KAZN: variants seen among roughly 807,000 people sequenced by gnomAD.
The protein encoded by KAZN is kazrin, periplakin interacting protein.
Under a neutral mutation model 87.4 loss-of-function variants are expected in KAZN, and 40 were observed. The observed-to-expected ratio is 0.46, with a 90% CI of 0.36 to 0.60. KAZN has a LOEUF of 0.60. Ranked by LOEUF, KAZN falls within the 20% of genes least tolerant of loss-of-function variation. KAZN has a pLI of 0.00. For synonymous variants in KAZN, 466 were observed against 458.3 expected (o/e 1.02, Z -0.22); for missense variants, 898 against 1,073.9 (o/e 0.84, Z 2.29).
At chr1:14,845,614 C>T (rs1396086059) in intron 1 of KAZN, among the ~76,000 whole-genome samples, 1 of 151,362 alleles carries the variant, frequency 6.6e-6, no homozygotes, top group East Asian at 1.9e-4. Flanking sequence ...ACAATTCCTT[C>T]CTTCAGTTTT....
At chr1:14,622,943 T>A (rs1678832603) in intron 1 of KAZN, among the ~76,000 whole-genome samples, 1 of 152,018 alleles carries the variant, frequency 6.6e-6, no homozygotes, top group Non-Finnish European at 1.5e-5. Context: ...TTTTTTGAAT[T>A]TAAAAGTCAA....
At chr1:14,541,483 A>G (rs1467444125) in intron 2 of KAZN, among the ~76,000 whole-genome samples, 1 of 152,198 alleles carries the variant, frequency 6.6e-6, no homozygotes, top group Non-Finnish European at 1.5e-5. Context: ...CCAGAGAGGC[A>G]GTGTGGAAAG....
At chr1:13,929,994 C>G (rs1359762030) in intron 1 of KAZN, among the ~76,000 whole-genome samples, 1 of 152,172 alleles carries the variant, frequency 6.6e-6, no homozygotes, top group Admixed American at 6.5e-5. Context: ...TGAACTCAGG[C>G]AATCAGTCTT....
intron 2 of KAZN, among the ~76,000 whole-genome samples, chr1:14,197,600 A>C (rs1646554903): frequency 6.6e-6 from 1 of 152,150 alleles, no homozygotes; most frequent in Non-Finnish European, 1.5e-5. Flanking sequence ...AGACAGGAGA[A>C]TCGTTTAAAC....
At chr1:14,192,618 G>T (rs1167595490) in intron 2 of KAZN, among the ~76,000 whole-genome samples, 2 of 152,148 alleles carry the variant, frequency 1.3e-5, no homozygotes, top group African/African-American at 4.8e-5. Flanking sequence ...TAAGTGATGT[G>T]TACCATAGTT....
chr1:14,762,339 A>G (rs563416544), intron 1 of KAZN, among the ~76,000 whole-genome samples: 3 of 152,166 alleles, frequency 2.0e-5, no homozygotes, highest in African/African-American at 7.2e-5. Flanking sequence ...AGTAGCCATG[A>G]AGGAGGAAGG....
intron 2 of KAZN, among the ~76,000 whole-genome samples, chr1:15,001,964 T>C (rs1250027010): frequency 1.5e-5 from 2 of 132,260 alleles, no homozygotes; most frequent in Non-Finnish European, 3.1e-5. Flanking sequence ...CACTGCAAGC[T>C]CCGCCTCCTG....
chr1:14,874,748 A>G (rs1387203659), intron 1 of KAZN, among the ~76,000 whole-genome samples: 6 of 152,106 alleles, frequency 3.9e-5, no homozygotes, highest in Non-Finnish European at 8.8e-5. Flanking sequence ...GAATCTTGAC[A>G]TCTTCTGGTT....
chr1:14,941,431 G>A (rs1448294948), intron 1 of KAZN, among the ~76,000 whole-genome samples: 1 of 152,082 alleles, frequency 6.6e-6, no homozygotes, highest in African/African-American at 2.4e-5. Context: ...GGAGGGCAAA[G>A]ATGGAACAAT....
intron 1 of KAZN, among the ~76,000 whole-genome samples, chr1:14,713,049 T>G (rs566012955): frequency 6.6e-6 from 1 of 152,156 alleles, no homozygotes; most frequent in Non-Finnish European, 1.5e-5. Flanking sequence ...AATGCTCCTA[T>G]GTCTGGGTGG....
chr1:14,804,172 TC>T (rs1054235609), intron 1 of KAZN, among the ~76,000 whole-genome samples: 3 of 152,194 alleles, frequency 2.0e-5, no homozygotes, highest in African/African-American at 7.2e-5. Flanking sequence ...CACACTTGGC[TC>T]CTGGCAATTC....
intron 1 of KAZN, among the ~76,000 whole-genome samples, chr1:13,970,884 T>C (rs1183130877): frequency 6.6e-6 from 1 of 152,216 alleles, no homozygotes. Context: ...AAATACTCAA[T>C]AATGAAGAAA....
At chr1:14,549,327 C>T (rs1673358803) in intron 2 of KAZN, among the ~76,000 whole-genome samples, 1 of 152,200 alleles carries the variant, frequency 6.6e-6, no homozygotes, top group Non-Finnish European at 1.5e-5. Flanking sequence ...AACCCACAGT[C>T]TCCCTGCAGC....
chr1:14,137,842 G>A (rs937359010), intron 1 of KAZN, among the ~76,000 whole-genome samples: 1 of 151,458 alleles, frequency 6.6e-6, no homozygotes, highest in South Asian at 2.1e-4. Context: ...CTGAGTAGCT[G>A]GGATTACAGG....
intron 1 of KAZN, chr1:13,893,767 C>T (rs1638925828): frequency 2.6e-6 from 4 of 1,550,144 alleles, no homozygotes; most frequent in South Asian, 1.2e-5. Flanking sequence ...GTAGGAATTG[C>T]GTCGTGTGTC....
intron 1 of KAZN, among the ~76,000 whole-genome samples, chr1:14,883,343 A>AGAGAGAGAGAGAGAGAGAGAGAGAGAG (rs375634372): frequency 3.0e-5 from 1 of 33,258 alleles, no homozygotes; most frequent in Non-Finnish European, 6.9e-5. Context: ...AGAGAGAGAG[A>AGAGAGAGAGAGAGAGAGAGAGAGAGAG]AAGAAAGAAA....
intron 1 of KAZN, among the ~76,000 whole-genome samples, chr1:14,094,319 A>G (rs1026900225): frequency 1.3e-5 from 2 of 152,216 alleles, no homozygotes; most frequent in Non-Finnish European, 2.9e-5. Flanking sequence ...GGAAAGCTAT[A>G]TTAAGATTAT....
chr1:15,103,940 C>T, intron 12 of KAZN, 83 bp from the exon 13 acceptor site: 1 of 1,380,516 alleles, frequency 7.2e-7, no homozygotes, highest in South Asian at 1.4e-5. Context: ...CTGTTGGGGA[C>T]AGAGCCCCAC....
intron 1 of KAZN, among the ~76,000 whole-genome samples, chr1:14,054,902 G>A (rs1220389752): frequency 6.6e-6 from 1 of 152,206 alleles, no homozygotes; most frequent in African/African-American, 2.4e-5. Context: ...GCCTGGATGT[G>A]AAGTCTGGCT....
Sources: gnomAD v4.1 joint callset for allele counts (sites outside exome capture counted in the v4.1 genomes callset) on GRCh38, gnomAD v4.1.1 for gene constraint, MANE v1.5 for transcripts, NCBI Gene and HGNC (gene_info 2026-07-23, HGNC 2026-07-21) for gene names.